The following NLK variants were observed in gnomAD, a reference collection of about 807,000 sequenced individuals.
NLK encodes serine/threonine-protein kinase NLK.
NLK carries 11 observed loss-of-function variants against 59.0 expected under a neutral mutation model. The observed-to-expected ratio is 0.19, with a 90% confidence interval of 0.12 to 0.31. The LOEUF (loss-of-function observed/expected upper bound fraction) is 0.31. Among genes scored for constraint, NLK ranks in the 10% least tolerant of loss-of-function variants. NLK has a pLI of 1.00. For synonymous variants in NLK, 235 were observed against 235.9 expected (o/e 1.00, Z 0.03); for missense variants, 410 against 661.1 (o/e 0.62, Z 4.16).
At position 28,042,850 on chromosome 17, in the gene NLK, C is replaced by A. The variant is rs746577909; in HGVS notation, c.-24C>A. The A allele has an allele frequency of 1.4e-6, 2 of 1,469,232 alleles. No homozygotes were observed. The highest frequency in any genetic ancestry group is 2.8e-5 in the African/African-American group (2 of 70,674). 91.0% of individuals were successfully genotyped at this position (1,469,232 alleles called of 1,614,324 possible). ...ATGACAGCTTGACCCAGTTTGCTTT[C>A]CAATCAAAGGGCATTTATTTTGAAT... On this transcript the variant is annotated 5_prime_UTR_variant, in exon 1 of 11. Coordinates refer to ENST00000407008, the MANE Select transcript of NLK (RefSeq NM_016231.5).
At chr17:28,177,069 CTGTT>C (rs769222840) in intron 7 of NLK, among the ~76,000 whole-genome samples, 13 of 152,012 alleles carry the variant, frequency 8.6e-5, no homozygotes, top group Non-Finnish European at 1.3e-4. Flanking sequence ...AGAAAATAGA[CTGTT>C]TGTAAGTGGA....
At chr17:28,126,090 T>C (rs571009392) in intron 2 of NLK, among the ~76,000 whole-genome samples, 2 of 152,350 alleles carry the variant, frequency 1.3e-5, no homozygotes, top group Admixed American at 6.5e-5. Flanking sequence ...TTAGCTCCTG[T>C]TGTCTTTACC....
chr17:28,170,642 T>C (rs1375005402), intron 6 of NLK, among the ~76,000 whole-genome samples: 1 of 152,244 alleles, frequency 6.6e-6, no homozygotes, highest in Non-Finnish European at 1.5e-5. Flanking sequence ...TGTAAGACTA[T>C]CATATCTGGA....
chr17:28,188,980 GACACACACACACACAC>G (rs57423093), intron 8 of NLK, among the ~76,000 whole-genome samples: 3 of 142,536 alleles, frequency 2.1e-5, no homozygotes, highest in Non-Finnish European at 3.1e-5. Flanking sequence ...GACAAACACA[GACACACACACACACAC>G]ACACACACAC....
rs150373939 is a variant in NLK at position 28,103,795 on chromosome 17, A to G, written c.459-18808A>G. ...TTAAAATACCAAGAGAAATAGTTTT[A>G]AGACTGATAAGTTCTTTGAAAAATG... On this transcript the variant is annotated intron_variant, in intron 1 of 10. Coordinates refer to ENST00000407008, the MANE Select transcript of NLK (RefSeq NM_016231.5). Among the ~76,000 whole-genome samples the G allele has an allele frequency of 4.6e-5, 7 of 152,342 alleles. No homozygotes were observed. In the East Asian group the frequency reaches 1.3e-3, roughly 29 times the overall value.
chr17:28,048,972 G>C (rs1463640569), intron 1 of NLK: 1 of 152,170 alleles, frequency 6.6e-6, no homozygotes, highest in Non-Finnish European at 1.5e-5. Flanking sequence ...GTGCCTCTGT[G>C]CTACTCCAGT....
chr17:28,099,437 C>T (rs994772859), intron 1 of NLK, among the ~76,000 whole-genome samples: 7 of 152,180 alleles, frequency 4.6e-5, no homozygotes, highest in African/African-American at 1.7e-4. Flanking sequence ...CTGGTCCCCT[C>T]TCATCTGCAG....
chr17:28,145,428 C>T (rs1907204600), intron 3 of NLK, among the ~76,000 whole-genome samples: 1 of 152,142 alleles, frequency 6.6e-6, no homozygotes. Flanking sequence ...TCTCAGAGGT[C>T]TCACAGAAAC....
intron 1 of NLK, among the ~76,000 whole-genome samples, chr17:28,072,716 G>A (rs1910045648): frequency 6.6e-6 from 1 of 151,832 alleles, no homozygotes; most frequent in African/African-American, 2.4e-5. Context: ...TGTTCTTTCA[G>A]TTGCCCTTGA....
rs572356400 is a variant in NLK, at chr17:28,196,372, A to G, written c.*1736A>G. 4 of 152,770 alleles carry G rather than the reference A, an allele frequency of 2.6e-5. No homozygotes were observed. Among genetic ancestry groups the G allele is most frequent in the Admixed American group, 2.6e-4 (4 of 15,298 alleles). 9.5% of individuals were successfully genotyped at this position (152,770 alleles called of 1,614,324 possible). Reference sequence around the variant, plus strand: ...CAGTGGTGAAAACATTAAATGTGACATTTGAAAAAGATGTGTCATCTGTTT... The same window carrying G: ...CAGTGGTGAAAACATTAAATGTGACGTTTGAAAAAGATGTGTCATCTGTTT... On this transcript the variant is annotated 3_prime_UTR_variant, in exon 11 of 11. Coordinates refer to ENST00000407008, the MANE Select transcript of NLK (RefSeq NM_016231.5).
chr17:28,060,527 C>T (rs1909595200), intron 1 of NLK, among the ~76,000 whole-genome samples: 1 of 152,150 alleles, frequency 6.6e-6, no homozygotes, highest in South Asian at 2.1e-4. Context: ...CTGCCTCCGT[C>T]TTCCAAAGTG....
chr17:28,168,724 C>T (rs1240762450), intron 6 of NLK, 67 bp downstream of exon 6: 8 of 1,262,884 alleles, frequency 6.3e-6, no homozygotes, highest in Admixed American at 1.7e-5. Context: ...CCATCTTGCA[C>T]ATGTGTCTTG....
intron 6 of NLK, 90 bp from the exon 7 acceptor site, chr17:28,172,427 T>G: frequency 1.4e-6 from 1 of 710,780 alleles, no homozygotes; most frequent in Non-Finnish European, 2.1e-6. Flanking sequence ...TTCCCCCAGA[T>G]TTGGTCCACT....
intron 1 of NLK, among the ~76,000 whole-genome samples, chr17:28,084,401 A>G (rs1022682720): frequency 8.5e-5 from 13 of 152,198 alleles, no homozygotes; most frequent in Admixed American, 5.9e-4. Flanking sequence ...TTAAGTGTCT[A>G]ACTCAAAGTC....
At chr17:28,192,841 C>T (rs1400420357) in intron 10 of NLK, among the ~76,000 whole-genome samples, 1 of 152,162 alleles carries the variant, frequency 6.6e-6, no homozygotes, top group African/African-American at 2.4e-5. Context: ...ACGTGGTCAT[C>T]TCAGTTCCCA....
intron 5 of NLK, among the ~76,000 whole-genome samples, chr17:28,167,073 C>T (rs1266456804): frequency 6.6e-6 from 1 of 152,200 alleles, no homozygotes; most frequent in East Asian, 1.9e-4. Flanking sequence ...GTAGATTCAA[C>T]TGGAGTCAGT....
chr17:28,122,612 A>G lies in NLK; in HGVS notation c.468A>G (p.Thr156=). Residue 156 remains threonine, a synonymous_variant, in exon 2 of 11, where the codon ACA becomes ACG. Transcript: ENST00000407008. ...YGAFGVVWSV[T]DPRDGKRVAL... Reference sequence around the variant, plus strand: ...AATATTGCTTCTTTAGGTCAGTAACAGATCCAAGAGATGGAAAGAGAGTAG... The same window carrying G: ...AATATTGCTTCTTTAGGTCAGTAACGGATCCAAGAGATGGAAAGAGAGTAG... 6.2e-7 allele frequency: 1 copy of G among 1,613,794 alleles called. No homozygotes were observed. The highest frequency in any genetic ancestry group is 8.5e-7 in the Non-Finnish European group (1 of 1,179,764).
At chr17:28,133,795 T>C (rs1047954109) in intron 3 of NLK, among the ~76,000 whole-genome samples, 1 of 152,210 alleles carries the variant, frequency 6.6e-6, no homozygotes, top group African/African-American at 2.4e-5. Flanking sequence ...AATAGTGAGA[T>C]ACTTTTTCTG....
intron 3 of NLK, among the ~76,000 whole-genome samples, chr17:28,134,560 A>G (rs1423940419): frequency 1.3e-5 from 2 of 152,218 alleles, no homozygotes; most frequent in Admixed American, 1.3e-4. Context: ...TATATAAGGG[A>G]CTTGAGCATC....
Sources: gnomAD v4.1 joint callset for allele counts (sites outside exome capture counted in the v4.1 genomes callset) on GRCh38, gnomAD v4.1.1 for gene constraint, MANE v1.5 for transcripts, NCBI Gene and HGNC (gene_info 2026-07-23, HGNC 2026-07-21) for gene names.